SLIT2: variants seen among roughly 807,000 people sequenced by gnomAD.
SLIT2 encodes the protein slit homolog 2 protein.
SLIT2 carries 41 observed loss-of-function variants against 185.7 expected under a neutral mutation model. The observed-to-expected ratio is 0.22, with a 90% CI of 0.17 to 0.29. The LOEUF (loss-of-function observed/expected upper bound fraction) is 0.29. SLIT2 is among the 10% of genes least tolerant of loss of function. SLIT2 has a pLI of 1.00. For synonymous variants in SLIT2, 693 were observed against 680.2 expected, an observed-to-expected ratio of 1.02 and a Z score of -0.29; for missense variants, 1,571 against 1,909.0, an observed-to-expected ratio of 0.82 and a Z score of 3.30.
chr4:20,315,163 A>G lies in SLIT2; in HGVS notation c.395+46282A>G, dbSNP rs16869527. Among the ~76,000 whole-genome samples the G allele has an allele frequency of 5.0e-3, 756 of 152,276 alleles. 7 individuals are homozygous for G. Among genetic ancestry groups the G allele is most frequent in the African/African-American group, 0.018 (734 of 41,572 alleles). On this transcript the variant is annotated intron_variant, in intron 4 of 36. Transcript: ENST00000504154. The stretch of plus-strand genomic sequence containing the variant: ...TTATTATTTGAAATGACAAAAAGCT[A>G]GGAATAAAACCTTAGAGTTTCTCAA...
rs9994040 is a variant in SLIT2, at chr4:20,425,259, A to G, written c.396-42493A>G. The stretch of plus-strand genomic sequence containing the variant: ...TTTATGCTTTGTCCTATTTTGTTGT[A>G]TTTTTGCAGAGTTATTGTTACTGTT... On this transcript the variant is annotated intron_variant, in intron 4 of 36. Transcript: ENST00000504154. Among the ~76,000 whole-genome samples, 820 of 152,044 alleles carry G rather than the reference A, an allele frequency of 5.4e-3. 13 individuals are homozygous for G. Among genetic ancestry groups the G allele is most frequent in the African/African-American group, 0.019 (796 of 41,486 alleles).
At chr4:20,298,484 T>C (rs756368416) in intron 4 of SLIT2, among the ~76,000 whole-genome samples, 2 of 152,188 alleles carry the variant, frequency 1.3e-5, no homozygotes, top group Non-Finnish European at 2.9e-5. Context: ...GTGCCTCTTA[T>C]TCAAAAGTCA....
intron 9 of SLIT2, among the ~76,000 whole-genome samples, chr4:20,492,630 A>G (rs1359179776): frequency 1.3e-5 from 2 of 152,172 alleles, no homozygotes; most frequent in East Asian, 3.9e-4. Flanking sequence ...TTCATTGACA[A>G]AACCCCTTTT....
chr4:20,595,669 T>G (rs752558385), intron 30 of SLIT2, 28 bp from the exon 31 acceptor site: 18 of 1,611,016 alleles, frequency 1.1e-5, no homozygotes, highest in African/African-American at 2.7e-5. Context: ...CAGTTGGGTT[T>G]GAAACCATTA....
chr4:20,364,128 T>TTGG (rs1722938664), intron 4 of SLIT2: 1 of 271,914 alleles, frequency 3.7e-6, no homozygotes, highest in African/African-American at 2.3e-5. Context: ...GTATTATGCC[T>TTGG]GCCAGCTTGT....
At chr4:20,479,262 A>G (rs570227900) in intron 5 of SLIT2, among the ~76,000 whole-genome samples, 1 of 152,198 alleles carries the variant, frequency 6.6e-6, no homozygotes, top group Non-Finnish European at 1.5e-5. Flanking sequence ...TTCTAAAGTA[A>G]GGAACTTGAA....
intron 4 of SLIT2, among the ~76,000 whole-genome samples, chr4:20,297,096 A>G (rs888577693): frequency 2.6e-5 from 4 of 152,088 alleles, no homozygotes; most frequent in East Asian, 1.9e-4. Flanking sequence ...CCTTACAAAT[A>G]GTTTCCTTAA....
chr4:20,487,696 T>C (rs538705121), intron 7 of SLIT2, among the ~76,000 whole-genome samples: 2 of 152,342 alleles, frequency 1.3e-5, no homozygotes, highest in Admixed American at 1.3e-4. Context: ...ATGTAGCTTT[T>C]TGTTCTGTGG....
At chr4:20,615,834 T>C (rs1729608356) in intron 34 of SLIT2, 1 of 152,236 alleles carries the variant, frequency 6.6e-6, no homozygotes, top group Admixed American at 6.5e-5. Flanking sequence ...TTCCAGCCAG[T>C]AGTCCAGAGT....
At chr4:20,266,632 T>C (rs1713061644) in intron 3 of SLIT2, among the ~76,000 whole-genome samples, 1 of 151,994 alleles carries the variant, frequency 6.6e-6, no homozygotes, top group Non-Finnish European at 1.5e-5. Context: ...GGCTGCTCTC[T>C]TTGGCTTTTC....
At chr4:20,455,997 T>C (rs1175433871) in intron 4 of SLIT2, among the ~76,000 whole-genome samples, 2 of 152,142 alleles carry the variant, frequency 1.3e-5, no homozygotes, top group African/African-American at 4.8e-5. Flanking sequence ...AAGGAAGTCA[T>C]AGTGATTGGC....
intron 4 of SLIT2, among the ~76,000 whole-genome samples, chr4:20,275,523 T>G (rs531298889): frequency 6.6e-6 from 1 of 152,300 alleles, no homozygotes; most frequent in African/African-American, 2.4e-5. Context: ...CCTTGCAACT[T>G]GCCCTCAGTC....
At chr4:20,352,932 T>C (rs1015514208) in intron 4 of SLIT2, among the ~76,000 whole-genome samples, 7 of 152,074 alleles carry the variant, frequency 4.6e-5, no homozygotes, top group African/African-American at 1.7e-4. Context: ...TAATAATAAT[T>C]TGACTTAGTG....
intron 16 of SLIT2, among the ~76,000 whole-genome samples, chr4:20,531,757 GTT>G (rs550588895): frequency 1.4e-5 from 2 of 140,680 alleles, no homozygotes. Flanking sequence ...TGATCTTTGT[GTT>G]TTTTTTTTTT....
At chr4:20,543,048 C>T (rs1722953535) in intron 21 of SLIT2, among the ~76,000 whole-genome samples, 1 of 151,990 alleles carries the variant, frequency 6.6e-6, no homozygotes, top group South Asian at 2.1e-4. Flanking sequence ...CATTTACTTA[C>T]AGTCTAGGAT....
At chr4:20,428,590 A>G (rs1347657050) in intron 4 of SLIT2, among the ~76,000 whole-genome samples, 1 of 152,044 alleles carries the variant, frequency 6.6e-6, no homozygotes, top group Non-Finnish European at 1.5e-5. Context: ...TATAATTTGG[A>G]CTCAAAAGAC....
intron 3 of SLIT2, among the ~76,000 whole-genome samples, chr4:20,261,455 G>T (rs1309834862): frequency 6.6e-6 from 1 of 151,644 alleles, no homozygotes; most frequent in Non-Finnish European, 1.5e-5. Context: ...GTCCTAGAGG[G>T]TTAAAAAAAT....
chr4:20,533,602 T>C lies in SLIT2; in HGVS notation c.1719T>C (p.Ile573=), dbSNP rs1227396092. 2 of 1,611,724 alleles carry C rather than the reference T, an allele frequency of 1.2e-6. No homozygotes were observed. Among genetic ancestry groups the C allele is most frequent in the East Asian group, 4.5e-5 (2 of 44,854 alleles). ...INFSNNKITD[I]EEGAFEGASG... ...TTAGCAACAATAAGATCACAGATATTGAGGAGGGAGCATTTGAAGGAGCAT... is the reference window on the plus strand; with the variant it reads ...TTAGCAACAATAAGATCACAGATATCGAGGAGGGAGCATTTGAAGGAGCAT... The change falls in exon 18 of 37, where the codon ATT becomes ATC. Residue 573 remains isoleucine, a synonymous_variant. Transcript: ENST00000504154.
chr4:20,456,253 C>T (rs1168201605), intron 4 of SLIT2, among the ~76,000 whole-genome samples: 2 of 152,104 alleles, frequency 1.3e-5, no homozygotes, highest in Non-Finnish European at 2.9e-5. Flanking sequence ...GTTTTAGAAT[C>T]CCAACACAAC....
Sources: allele counts gnomAD v4.1 joint callset (sites outside exome capture counted in the v4.1 genomes callset), GRCh38; gene constraint gnomAD v4.1.1; transcripts MANE v1.5; gene names NCBI Gene and HGNC (gene_info 2026-07-23, HGNC 2026-07-21).